Variants in CNKSR3 observed in about 807,000 individuals in gnomAD.
CNKSR3 encodes the protein connector enhancer of kinase suppressor of ras 3.
In CNKSR3, 36 loss-of-function variants were observed where a neutral mutation model predicts 67.7. The ratio of observed to expected loss-of-function variants is 0.53; its 90% confidence interval spans 0.41 to 0.70. The LOEUF (loss-of-function observed/expected upper bound fraction) is 0.70. Among genes scored for constraint, CNKSR3 ranks in the 30% least tolerant of loss-of-function variants. CNKSR3 has a pLI of 0.00. For synonymous variants in CNKSR3, 281 were observed against 271.4 expected (o/e 1.04, Z -0.35); for missense variants, 630 against 695.2 (o/e 0.91, Z 1.05).
At chr6:154,431,216 G>C (rs1300498555) in intron 5 of CNKSR3, among the ~76,000 whole-genome samples, 1 of 152,014 alleles carries the variant, frequency 6.6e-6, no homozygotes, top group Non-Finnish European at 1.5e-5. Flanking sequence ...GGCTGAGGTA[G>C]GGGGATCACC....
intron 1 of CNKSR3, among the ~76,000 whole-genome samples, chr6:154,494,316 A>G (rs181399651): frequency 2.0e-5 from 3 of 152,282 alleles, no homozygotes; most frequent in Admixed American, 6.5e-5. Flanking sequence ...TATCATGAGA[A>G]TAGCATAGGG....
rs1343283238 is a variant in CNKSR3 at position 154,450,153 on chromosome 6, A to AC, written c.157dup (p.Val53GlyfsTer27). The stretch of plus-strand genomic sequence containing the variant: ...AAGCTCCTGGTGTCCAATCCGTGTG[A>AC]CCCCCAGCTCCTCCAGGTCCTGATG... On this transcript the variant is annotated frameshift_variant, in exon 2 of 13. Coordinates refer to ENST00000607772, the MANE Select transcript of CNKSR3 (RefSeq NM_173515.4). LOFTEE classifies it high-confidence loss of function. The AC allele has an allele frequency of 1.2e-6, 2 of 1,613,988 alleles. No individual in the cohort carries two copies. The highest frequency in any genetic ancestry group is 1.1e-5 in the South Asian group (1 of 91,072).
chr6:154,467,519 A>G (rs958325348), intron 1 of CNKSR3, among the ~76,000 whole-genome samples: 2 of 152,140 alleles, frequency 1.3e-5, no homozygotes, highest in Non-Finnish European at 2.9e-5. Flanking sequence ...CGATCGCCAC[A>G]GCTGTTTAGT....
chr6:154,486,457 C>T (rs1269338855), intron 1 of CNKSR3, among the ~76,000 whole-genome samples: 1 of 148,052 alleles, frequency 6.8e-6, no homozygotes, highest in Non-Finnish European at 1.5e-5. Flanking sequence ...CCACCACGCC[C>T]AGCTAATTTT....
intron 7 of CNKSR3, among the ~76,000 whole-genome samples, chr6:154,423,953 C>G (rs556871937): frequency 6.6e-6 from 1 of 152,206 alleles, no homozygotes; most frequent in South Asian, 2.1e-4. Flanking sequence ...AAGGGATAGG[C>G]CGGGCGCGGT....
At chr6:154,427,886 A>G (rs551429660) in intron 7 of CNKSR3, among the ~76,000 whole-genome samples, 1 of 152,300 alleles carries the variant, frequency 6.6e-6, no homozygotes, top group South Asian at 2.1e-4. Flanking sequence ...AATAATTAAC[A>G]CAAGGGTAGG....
At chr6:154,448,196 G>A (rs1352562339) in intron 2 of CNKSR3, among the ~76,000 whole-genome samples, 1 of 151,962 alleles carries the variant, frequency 6.6e-6, no homozygotes, top group Non-Finnish European at 1.5e-5. Flanking sequence ...GTAGAGAAGA[G>A]GAAAAAGCAA....
chr6:154,456,616 A>C (rs1236092614), intron 1 of CNKSR3, among the ~76,000 whole-genome samples: 1 of 144,952 alleles, frequency 6.9e-6, no homozygotes, highest in Non-Finnish European at 1.5e-5. Flanking sequence ...CTGAGGCAGG[A>C]GAATCAGTTG....
rs947900898 is a variant in CNKSR3, at chr6:154,442,912, C to T, written c.217-622G>A. 3.1e-4 allele frequency among the ~76,000 whole-genome samples: 47 copies of T among 152,014 alleles called. 1 individual carries two copies. The highest frequency in any genetic ancestry group is 1.6e-3 in the Admixed American group (24 of 15,272). ...ATTTTTTTTATTTTATTTTTTGAGA[C>T]GGAGTCTCACTGTGTCGCCCAGGCT... On this transcript the variant is annotated intron_variant, in intron 2 of 12. Coordinates refer to ENST00000607772, the MANE Select transcript of CNKSR3 (RefSeq NM_173515.4).
rs115912418 is a variant in CNKSR3, at chr6:154,485,611, G to C, written c.52+24452C>G. ...ATAAGACCAAATCTGTTCTTAATAC[G>C]AACAGCGTGATTCACGTCACTCCAG... On this transcript the variant is annotated intron_variant, in intron 1 of 12. Transcript: ENST00000607772. 2.8e-3 allele frequency among the ~76,000 whole-genome samples: 433 copies of C among 152,246 alleles called. 6 individuals carry two copies. The highest frequency in any genetic ancestry group is 0.01 in the African/African-American group (424 of 41,532).
intron 2 of CNKSR3, among the ~76,000 whole-genome samples, chr6:154,447,894 A>G (rs539313367): frequency 1.3e-5 from 2 of 152,368 alleles, no homozygotes; most frequent in East Asian, 3.9e-4. Flanking sequence ...TAAATGGATT[A>G]AAAAGACAGT....
intron 1 of CNKSR3, among the ~76,000 whole-genome samples, chr6:154,493,875 C>A (rs528627189): frequency 6.6e-6 from 1 of 152,082 alleles, no homozygotes; most frequent in African/African-American, 2.4e-5. Flanking sequence ...AGTCACCTCC[C>A]ACCAGGTCCC....
intron 9 of CNKSR3, among the ~76,000 whole-genome samples, chr6:154,420,549 C>A (rs1392238663): frequency 2.0e-5 from 3 of 151,012 alleles, no homozygotes; most frequent in Non-Finnish European, 4.4e-5. Context: ...ATTAGCCGGG[C>A]GTAGTGGCGG....
intron 1 of CNKSR3, among the ~76,000 whole-genome samples, 159 bp downstream of exon 1, chr6:154,509,904 T>C (rs1465004359): frequency 3.3e-5 from 5 of 152,140 alleles, no homozygotes; most frequent in Non-Finnish European, 5.9e-5. Flanking sequence ...GTACGAGAGA[T>C]AGGAGCGCAC....
intron 1 of CNKSR3, among the ~76,000 whole-genome samples, chr6:154,464,842 A>C (rs1201814146): frequency 6.6e-6 from 1 of 151,900 alleles, no homozygotes; most frequent in East Asian, 1.9e-4. Flanking sequence ...GCAGGGGAAA[A>C]CTTCAAAGTG....
chr6:154,456,495 C>T (rs570315628), intron 1 of CNKSR3, among the ~76,000 whole-genome samples: 3 of 147,334 alleles, frequency 2.0e-5, no homozygotes, highest in South Asian at 2.2e-4. Context: ...GTCAGGAGTT[C>T]GAGACGAGCC....
intron 1 of CNKSR3, among the ~76,000 whole-genome samples, chr6:154,475,164 T>C (rs116515903): frequency 0.013 from 1,907 of 152,258 alleles, 41 homozygotes; most frequent in African/African-American, 0.044. Flanking sequence ...GAACTGGTCT[T>C]GAGGTCCAGG....
intron 1 of CNKSR3, among the ~76,000 whole-genome samples, chr6:154,454,104 C>CAGAGAGAGAGAGAG (rs71021054): frequency 3.1e-4 from 36 of 116,330 alleles, no homozygotes; most frequent in African/African-American, 9.6e-4. Flanking sequence ...CACACACACA[C>CAGAGAGAGAGAGAG]AGAGAGAGAG....
chr6:154,455,001 G>A (rs977771182), intron 1 of CNKSR3, among the ~76,000 whole-genome samples: 5 of 151,772 alleles, frequency 3.3e-5, no homozygotes, highest in Non-Finnish European at 7.4e-5. Context: ...ATATCAGAAC[G>A]TAAGCATCAC....
Sources: gnomAD v4.1 joint callset for allele counts (sites outside exome capture counted in the v4.1 genomes callset) on GRCh38, gnomAD v4.1.1 for gene constraint, MANE v1.5 for transcripts, NCBI Gene and HGNC (gene_info 2026-07-23, HGNC 2026-07-21) for gene names.